The following PAG1 variants were observed in gnomAD, a reference collection of about 807,000 sequenced individuals.
PAG1 encodes the protein phosphoprotein associated with glycosphingolipid-enriched microdomains 1.
Under a neutral mutation model 31.7 loss-of-function variants are expected in PAG1, and 23 were observed. The observed-to-expected ratio is 0.73, with a 90% CI of 0.52 to 1.03. The LOEUF is 1.03. Among genes scored for constraint, PAG1 ranks in the 50% least tolerant of loss-of-function variants. PAG1 has a pLI of 0.00. For synonymous variants in PAG1, 214 were observed against 210.3 expected, an observed-to-expected ratio of 1.02 and a Z score of -0.15; for missense variants, 473 against 540.7, an observed-to-expected ratio of 0.87 and a Z score of 1.24.
At chr8:81,034,781 C>T (rs1808435250) in intron 2 of PAG1, among the ~76,000 whole-genome samples, 1 of 152,168 alleles carries the variant, frequency 6.6e-6, no homozygotes, top group African/African-American at 2.4e-5. Context: ...TAAAGAAGTT[C>T]CTCTTCCCCT....
At position 80,985,260 on chromosome 8, in the gene PAG1, C is replaced by T. The variant is rs773607722; in HGVS notation, c.392G>A (p.Arg131Gln). The T allele has an allele frequency of 1.1e-5, 18 of 1,614,156 alleles. No homozygotes were observed. The highest frequency in any genetic ancestry group is 1.4e-5 in the Non-Finnish European group (17 of 1,180,022). Residue 131 changes from arginine to glutamine, a missense_variant, in exon 7 of 9, where the codon CGG becomes CAG. Arg to Gln is a conservative substitution (Grantham distance 43). Transcript: ENST00000220597. ...CTCGGGAGGGATTCTGGGCAGCTCC[C>T]GACTCTGATGACATTTTGGTTTCCC... ...STGKPKCHQS[R>Q]ELPRIPPESA... is the part of the protein sequence containing the mutation.
intron 1 of PAG1, among the ~76,000 whole-genome samples, chr8:81,092,748 T>C (rs2131073757): frequency 6.6e-6 from 1 of 152,376 alleles, no homozygotes; most frequent in South Asian, 2.1e-4. Flanking sequence ...TATACCACTT[T>C]ACCTATGTCA....
chr8:81,017,115 C>A (rs944414105), intron 3 of PAG1, among the ~76,000 whole-genome samples: 3 of 152,258 alleles, frequency 2.0e-5, no homozygotes, highest in East Asian at 1.9e-4. Flanking sequence ...GAATCAAGAG[C>A]TAAATACATG....
At chr8:81,018,776 T>C (rs1476989193) in intron 3 of PAG1, among the ~76,000 whole-genome samples, 1 of 152,234 alleles carries the variant, frequency 6.6e-6, no homozygotes, top group Admixed American at 6.5e-5. Flanking sequence ...GTCTGGTGCA[T>C]GTCTTTATTA....
At chr8:80,982,528 A>G (rs1227894572) in intron 7 of PAG1, among the ~76,000 whole-genome samples, 1 of 151,874 alleles carries the variant, frequency 6.6e-6, no homozygotes, top group African/African-American at 2.4e-5. Flanking sequence ...ACCTCACCCA[A>G]TCTCATGACT....
At chr8:81,063,015 A>G (rs1456423383) in intron 2 of PAG1, among the ~76,000 whole-genome samples, 1 of 152,240 alleles carries the variant, frequency 6.6e-6, no homozygotes, top group Non-Finnish European at 1.5e-5. Flanking sequence ...AAGATGATGA[A>G]AAAAGAGAAA....
At chr8:80,985,447 A>G in intron 6 of PAG1, 70 bp from the exon 7 acceptor site, 1 of 1,485,918 alleles carries the variant, frequency 6.7e-7, no homozygotes, top group East Asian at 2.3e-5. Flanking sequence ...GAATCAGGTA[A>G]TATAAAGTTA....
At chr8:81,011,365 T>C (rs1807980778) in intron 3 of PAG1, among the ~76,000 whole-genome samples, 1 of 152,184 alleles carries the variant, frequency 6.6e-6, no homozygotes, top group South Asian at 2.1e-4. Context: ...CAAGATCTGA[T>C]GGTTTTATAA....
intron 2 of PAG1, among the ~76,000 whole-genome samples, chr8:81,034,935 G>A (rs186342895): frequency 3.2e-4 from 48 of 152,316 alleles, no homozygotes; most frequent in African/African-American, 1.1e-3. Flanking sequence ...AGAGCCTGCT[G>A]CAGCTACAAA....
intron 5 of PAG1, among the ~76,000 whole-genome samples, chr8:80,987,763 C>A (rs977945228): frequency 6.6e-6 from 1 of 152,060 alleles, no homozygotes; most frequent in Non-Finnish European, 1.5e-5. Flanking sequence ...TAACCACTGA[C>A]AATAAAACAA....
In PAG1 at chr8:80,984,965, C is replaced by T. The variant is rs7006101; in HGVS notation, c.687G>A (p.Ser229=). 165,870 of 1,613,860 alleles carry T rather than the reference C, an allele frequency of 0.1. 10,400 individuals are homozygous for T. Among genetic ancestry groups the T allele is most frequent in the African/African-American group, 0.25 (18,640 of 74,932 alleles). The change falls in exon 7 of 9, where the codon TCG becomes TCA. Residue 229 remains serine, a synonymous_variant. Coordinates refer to ENST00000220597, the MANE Select transcript of PAG1 (RefSeq NM_018440.4). ...EGKAEFAEYA[S]VDRNKKCRQS... ...GACGACATTTTTTGTTTCTGTCCAC[C>T]GAGGCATATTCAGCAAACTCAGCTT...
In PAG1 at chr8:80,976,114, T is replaced by C; in HGVS notation, c.*430A>G. 1 of 159,788 alleles carries C rather than the reference T, an allele frequency of 6.3e-6. No homozygotes were observed. Among genetic ancestry groups the C allele is most frequent in the Admixed American group, 6.2e-5 (1 of 16,038 alleles). 9.9% of individuals were successfully genotyped at this position (159,788 alleles called of 1,614,324 possible). A position where few individuals can be genotyped will look rare whatever the true frequency, so the allele number is the denominator to read the frequency against. ...GGACATTTCAAGGGGGAAAAAGCCT[T>C]AAAGTCAGTAGCAGACAGAGAAAAG... On this transcript the variant is annotated 3_prime_UTR_variant, in exon 9 of 9. Transcript: ENST00000220597.
Position 81,094,078 on chromosome 8 carries a change from G to C in PAG1, c.-234+17513C>G, listed in dbSNP as rs541300941. On this transcript the variant is annotated intron_variant, in intron 1 of 8. Coordinates refer to ENST00000220597, the MANE Select transcript of PAG1 (RefSeq NM_018440.4). ...GTAGGGCTCACTGCGGTTCTCCCCA[G>C]CTGAGAGCGTGTGGTGGAGCAGGGG... Among the ~76,000 whole-genome samples the C allele has an allele frequency of 2.6e-5, 4 of 152,332 alleles. No individual in the cohort carries two copies. The South Asian group carries it at 8.3e-4, about 32-fold the overall frequency.
Position 81,030,691 on chromosome 8 carries a change from C to T in PAG1, c.-174-602G>A, listed in dbSNP as rs115772856. Reference sequence around the variant, plus strand: ...GAGAGGCTACATGGGCGACTTCCCTCGCTCTCCCTCCTGATTCAACAGCTC... The same window carrying T: ...GAGAGGCTACATGGGCGACTTCCCTTGCTCTCCCTCCTGATTCAACAGCTC... On this transcript the variant is annotated intron_variant, in intron 2 of 8. Transcript: ENST00000220597. Among the ~76,000 whole-genome samples the T allele has an allele frequency of 3.8e-3, 581 of 152,314 alleles. 3 individuals carry two copies. Among genetic ancestry groups the T allele is most frequent in the African/African-American group, 0.012 (513 of 41,554 alleles).
At chr8:81,046,309 T>C (rs1357105701) in intron 2 of PAG1, among the ~76,000 whole-genome samples, 2 of 152,204 alleles carry the variant, frequency 1.3e-5, no homozygotes, top group Non-Finnish European at 2.9e-5. Flanking sequence ...AAATGAAGCA[T>C]TGGATGACTA....
chr8:81,054,620 G>A (rs1808784357), intron 2 of PAG1, among the ~76,000 whole-genome samples: 1 of 151,950 alleles, frequency 6.6e-6, no homozygotes, highest in Admixed American at 6.6e-5. Context: ...AGCTTGCAGT[G>A]AGCCAAGGTG....
intron 1 of PAG1, among the ~76,000 whole-genome samples, chr8:81,082,243 ACT>A (rs1809279496): frequency 2.2e-5 from 3 of 136,018 alleles, no homozygotes; most frequent in African/African-American, 9.0e-5. Context: ...ACAGAGTGAG[ACT>A]CTGTCTCAAA....
intron 2 of PAG1, among the ~76,000 whole-genome samples, chr8:81,036,728 T>G (rs1808467620): frequency 6.6e-6 from 1 of 152,226 alleles, no homozygotes; most frequent in Non-Finnish European, 1.5e-5. Flanking sequence ...CCCTCATGTT[T>G]CCTGGGGCTG....
intron 2 of PAG1, among the ~76,000 whole-genome samples, chr8:81,053,421 T>C (rs1272036298): frequency 6.6e-6 from 1 of 152,222 alleles, no homozygotes; most frequent in African/African-American, 2.4e-5. Flanking sequence ...GAGAAATGGA[T>C]TCATATTTCC....
Sources: gnomAD v4.1 joint callset for allele counts (sites outside exome capture counted in the v4.1 genomes callset) on GRCh38, gnomAD v4.1.1 for gene constraint, MANE v1.5 for transcripts, NCBI Gene and HGNC (gene_info 2026-07-23, HGNC 2026-07-21) for gene names.